ANKRD6: variants seen among roughly 807,000 people sequenced by gnomAD.
The protein encoded by ANKRD6 is ankyrin repeat domain 6.
Under a neutral mutation model 82.3 loss-of-function variants are expected in ANKRD6, and 56 were observed. The observed-to-expected ratio is 0.68, with a 90% CI of 0.55 to 0.85. ANKRD6 has a LOEUF of 0.85. ANKRD6 is among the 40% of genes least tolerant of loss of function. ANKRD6 has a pLI of 0.00. For missense variants in ANKRD6, 852 were observed against 907.6 expected (o/e 0.94, Z 0.79); for synonymous variants, 347 against 352.1 (o/e 0.99, Z 0.16).
intron 9 of ANKRD6, chr6:89,620,135 A>ATG (rs1379371683): frequency 1.3e-5 from 2 of 152,268 alleles, no homozygotes; most frequent in African/African-American, 4.8e-5. Flanking sequence ...TACAGACGTG[A>ATG]GCCACCATGC....
chr6:89,437,482 CCTTAGGT>C (rs746861656), intron 1 of ANKRD6, among the ~76,000 whole-genome samples: 6 of 152,118 alleles, frequency 3.9e-5, no homozygotes, highest in Non-Finnish European at 7.4e-5. Context: ...TCTGTGCCCT[CCTTAGGT>C]CTAGAAAAAT....
intron 1 of ANKRD6, among the ~76,000 whole-genome samples, chr6:89,501,000 A>G (rs1304041861): frequency 6.8e-6 from 1 of 147,926 alleles, no homozygotes; most frequent in Non-Finnish European, 1.5e-5. Flanking sequence ...TTTCTAGCAC[A>G]GAAAAAAGCA....
chr6:89,579,611 G>T (rs953531844), intron 2 of ANKRD6, among the ~76,000 whole-genome samples: 2 of 151,996 alleles, frequency 1.3e-5, no homozygotes, highest in Admixed American at 6.6e-5. Context: ...ACAAAAATTA[G>T]TCGGGTGTGG....
In ANKRD6 at chr6:89,630,527, T is replaced by G. The variant is rs1169418427; in HGVS notation, c.1707T>G (p.Thr569=). 7 of 1,613,856 alleles carry G rather than the reference T, an allele frequency of 4.3e-6. No individual in the cohort carries two copies. In the Admixed American group the frequency reaches 8.3e-5, roughly 19 times the overall value. Residue 569 remains threonine, a synonymous_variant, in exon 16 of 16, where the codon ACT becomes ACG. Coordinates refer to ENST00000339746, the MANE Select transcript of ANKRD6 (RefSeq NM_001242809.2). ...VRPKEKALNS[T]ATQRLQQELS... ...CCAAAGAGAAGGCCCTCAACTCCAC[T>G]GCTACCCAGAGACTCCAGCAGGAGC... is the stretch of plus-strand genomic sequence containing the variant.
intron 2 of ANKRD6, among the ~76,000 whole-genome samples, chr6:89,592,746 C>T (rs77536761): frequency 6.6e-6 from 1 of 152,226 alleles, no homozygotes; most frequent in African/African-American, 2.4e-5. Flanking sequence ...AGGAGGTACT[C>T]ATGCATCTGG....
chr6:89,621,682 T>C, intron 9 of ANKRD6: 1 of 518,416 alleles, frequency 1.9e-6, no homozygotes, highest in Non-Finnish European at 3.5e-6. Flanking sequence ...ATTATCATCA[T>C]AGACTTTAAG....
intron 1 of ANKRD6, among the ~76,000 whole-genome samples, chr6:89,510,099 T>A (rs539183082): frequency 6.6e-6 from 1 of 152,320 alleles, no homozygotes; most frequent in South Asian, 2.1e-4. Context: ...TGTGTGACCC[T>A]CCAGATCTCT....
chr6:89,464,458 A>G (rs914588308), intron 1 of ANKRD6, among the ~76,000 whole-genome samples: 1 of 152,186 alleles, frequency 6.6e-6, no homozygotes, highest in African/African-American at 2.4e-5. Context: ...TAGGTGGTTC[A>G]CAGTGTTAAC....
At chr6:89,611,185 T>TA (rs528244827) in intron 5 of ANKRD6, among the ~76,000 whole-genome samples, 3 of 147,020 alleles carry the variant, frequency 2.0e-5, no homozygotes, top group Non-Finnish European at 3.0e-5. Context: ...TTTTTTTTTT[T>TA]AACTCATTTC....
intron 6 of ANKRD6, among the ~76,000 whole-genome samples, chr6:89,613,532 G>A (rs1800755624): frequency 6.6e-6 from 1 of 152,182 alleles, no homozygotes; most frequent in Non-Finnish European, 1.5e-5. Flanking sequence ...ATGGGGAGCA[G>A]ACGTCTAGTT....
chr6:89,544,941 C>T (rs1003257718), intron 1 of ANKRD6, among the ~76,000 whole-genome samples: 14 of 151,898 alleles, frequency 9.2e-5, no homozygotes, highest in East Asian at 5.9e-4. Flanking sequence ...GGGCCAGGCA[C>T]GGTGGCTCAC....
chr6:89,600,444 A>G (rs1039413672), intron 3 of ANKRD6, among the ~76,000 whole-genome samples: 2 of 152,210 alleles, frequency 1.3e-5, no homozygotes, highest in Non-Finnish European at 2.9e-5. Context: ...CTCATACTTC[A>G]TGAACAATAC....
At chr6:89,466,710 T>C (rs1774890018) in intron 1 of ANKRD6, among the ~76,000 whole-genome samples, 1 of 152,154 alleles carries the variant, frequency 6.6e-6, no homozygotes, top group South Asian at 2.1e-4. Context: ...TGTGTGTTTG[T>C]TTGGTTTGTT....
At chr6:89,472,408 A>G (rs893767850) in intron 1 of ANKRD6, among the ~76,000 whole-genome samples, 1 of 152,224 alleles carries the variant, frequency 6.6e-6, no homozygotes, top group African/African-American at 2.4e-5. Context: ...TATGTAATAT[A>G]TACATTGGAA....
chr6:89,441,620 CTTTTTTTTTTTTTTT>C (rs71556522), intron 1 of ANKRD6, among the ~76,000 whole-genome samples: 4 of 80,470 alleles, frequency 5.0e-5, no homozygotes, highest in Non-Finnish European at 6.9e-5. Flanking sequence ...CTTTTCTTTC[CTTTTTTTTTTTTTTT>C]TTTTTTTTTT....
chr6:89,496,048 G>A (rs1278278659), intron 1 of ANKRD6, among the ~76,000 whole-genome samples: 1 of 151,908 alleles, frequency 6.6e-6, no homozygotes, highest in African/African-American at 2.4e-5. Context: ...GCTAACTGGT[G>A]GCCACCTTCA....
rs538970798 is a variant in ANKRD6, at chr6:89,484,944, T to C, written c.-144+51569T>C. Among the ~76,000 whole-genome samples, 54 of 152,350 alleles carry C rather than the reference T, an allele frequency of 3.5e-4. 1 individual carries two copies. Among genetic ancestry groups the C allele is most frequent in the Non-Finnish European group, 7.1e-4 (48 of 68,026 alleles). On this transcript the variant is annotated intron_variant, in intron 1 of 15. Coordinates refer to ENST00000339746, the MANE Select transcript of ANKRD6 (RefSeq NM_001242809.2). Reference sequence around the variant, plus strand: ...TAGGTGGCCTTAGGTGAATGTCTTCTGGACCTCAGTGATGGACTGTATCAA... The same window carrying C: ...TAGGTGGCCTTAGGTGAATGTCTTCCGGACCTCAGTGATGGACTGTATCAA...
At chr6:89,563,885 G>A (rs1202062445) in intron 1 of ANKRD6, among the ~76,000 whole-genome samples, 2 of 152,096 alleles carry the variant, frequency 1.3e-5, no homozygotes, top group Non-Finnish European at 2.9e-5. Flanking sequence ...AGGGAGAGAG[G>A]TGGTGTCTCT....
At chr6:89,583,837 G>A (rs754376920) in intron 2 of ANKRD6, among the ~76,000 whole-genome samples, 2 of 152,200 alleles carry the variant, frequency 1.3e-5, no homozygotes, top group African/African-American at 4.8e-5. Flanking sequence ...AGTGAAGGCA[G>A]GCCCTGTTTG....
Sources: allele counts gnomAD v4.1 joint callset (sites outside exome capture counted in the v4.1 genomes callset), GRCh38; gene constraint gnomAD v4.1.1; transcripts MANE v1.5; gene names NCBI Gene and HGNC (gene_info 2026-07-23, HGNC 2026-07-21).